SORL1: variants seen among roughly 807,000 people sequenced by gnomAD.
SORL1 encodes sortilin-related receptor.
A neutral mutation model predicts 273.7 loss-of-function variants in SORL1; 127 were observed. That is an observed-to-expected ratio of 0.46 (90% CI 0.40 to 0.54). The LOEUF is 0.54. SORL1 is among the 20% of genes least tolerant of loss of function. The pLI, the probability that SORL1 is intolerant of heterozygous loss-of-function variation, is 0.00. For missense variants in SORL1, 2,494 were observed against 2,846.1 expected, an observed-to-expected ratio of 0.88 and a Z score of 2.81; for synonymous variants, 1,031 against 1,067.4, an observed-to-expected ratio of 0.97 and a Z score of 0.66.
Position 121,490,184 on chromosome 11 carries a change from A to T in SORL1, c.758+74A>T. Reference sequence around the variant, plus strand: ...CAGTTCTAGCTCCTTCTTGGTGGACAAACTGCCCTCCCCTGAAATGTCCAG... The same window carrying T: ...CAGTTCTAGCTCCTTCTTGGTGGACTAACTGCCCTCCCCTGAAATGTCCAG... On this transcript the variant is annotated intron_variant, in intron 5 of 47. Transcript: ENST00000260197. 9 of 983,200 alleles carry T rather than the reference A, an allele frequency of 9.2e-6. No individual in the cohort carries two copies. In the South Asian group the frequency reaches 1.0e-4, roughly 11 times the overall value. 60.9% of individuals were successfully genotyped at this position (983,200 alleles called of 1,614,324 possible).
chr11:121,566,264 T>TA (rs1027462376), intron 21 of SORL1, among the ~76,000 whole-genome samples: 43 of 150,974 alleles, frequency 2.8e-4, no homozygotes, highest in Non-Finnish European at 5.5e-4. Flanking sequence ...TCTTTCTTTT[T>TA]AAAAAAAAAA....
intron 32 of SORL1, among the ~76,000 whole-genome samples, chr11:121,601,782 C>T (rs113704690): frequency 0.012 from 1,811 of 152,162 alleles, 32 homozygotes; most frequent in African/African-American, 0.041. Context: ...TATAAAGAAA[C>T]CTCCAACGTC....
intron 8 of SORL1, among the ~76,000 whole-genome samples, chr11:121,517,925 T>C (rs1861979245): frequency 6.6e-6 from 1 of 152,212 alleles, no homozygotes; most frequent in Non-Finnish European, 1.5e-5. Flanking sequence ...AACTGCTATG[T>C]GAAATGAGCA....
intron 8 of SORL1, among the ~76,000 whole-genome samples, chr11:121,518,825 C>T (rs1861990862): frequency 6.6e-6 from 1 of 152,048 alleles, no homozygotes; most frequent in African/African-American, 2.4e-5. Context: ...GGTGGCAGGG[C>T]AGTCATCCAG....
chr11:121,622,702 T>C (rs1042191718), intron 45 of SORL1, among the ~76,000 whole-genome samples: 4 of 152,164 alleles, frequency 2.6e-5, no homozygotes, highest in African/African-American at 9.7e-5. Context: ...CCCAGATAAA[T>C]TACAGGGAGC....
rs1197124773 is a variant in SORL1, at chr11:121,606,949, G to A, written c.5053G>A (p.Glu1685Lys). 1 of 1,610,448 alleles carries A rather than the reference G, an allele frequency of 6.2e-7. No individual in the cohort carries two copies. Among genetic ancestry groups the A allele is most frequent in the East Asian group, 2.2e-5 (1 of 44,870 alleles). ...PPIHTHGLIR[E>K]YIVEYSRSGS... ...CATCCACACCCATGGCCTCATCCGT[G>A]AGTACATTGTAAGTACCTTCCATGA... is the stretch of plus-strand genomic sequence containing the variant. The change falls in exon 36 of 48, where the codon GAG becomes AAG. Residue 1685 changes from glutamate (E) to lysine (K), a missense_variant. Physicochemically the swap from Glu to Lys is moderately conservative, Grantham distance 56. Coordinates refer to ENST00000260197, the MANE Select transcript of SORL1 (RefSeq NM_003105.6).
In SORL1 at chr11:121,559,541, G is replaced by T; in HGVS notation, c.2933G>T (p.Trp978Leu). 1.9e-6 allele frequency: 3 copies of T among 1,613,970 alleles called. No individual in the cohort carries two copies. Among genetic ancestry groups the T allele is most frequent in the Non-Finnish European group, 2.5e-6 (3 of 1,179,942 alleles). ...TAGAATGAAATCTACTGGGATGACT[G>T]GTCACAGCTCAGCATATTCCGAGCT... is the stretch of plus-strand genomic sequence containing the variant. Reference protein sequence around the residue: ...VFKNEIYWDDWSQLSIFRASK... With the variant: ...VFKNEIYWDDLSQLSIFRASK... Residue 978 changes from tryptophan to leucine, a missense_variant, in exon 21 of 48, where the codon TGG becomes TTG. Physicochemically the swap from Trp to Leu is moderately conservative, Grantham distance 61. Coordinates refer to ENST00000260197, the MANE Select transcript of SORL1 (RefSeq NM_003105.6).
At chr11:121,511,383 A>T (rs559055317) in intron 6 of SORL1, among the ~76,000 whole-genome samples, 2 of 152,340 alleles carry the variant, frequency 1.3e-5, no homozygotes, top group South Asian at 4.2e-4. Flanking sequence ...AAAGCATAAA[A>T]ATGTATATTT....
intron 39 of SORL1, chr11:121,611,917 G>A (rs1308404390): frequency 1.3e-5 from 2 of 152,338 alleles, no homozygotes; most frequent in Non-Finnish European, 2.9e-5. Context: ...GAGATGGGTG[G>A]ATCACCTGAG....
chr11:121,490,606 G>T (rs1325249698), intron 5 of SORL1, among the ~76,000 whole-genome samples: 2 of 151,854 alleles, frequency 1.3e-5, no homozygotes, highest in East Asian at 3.9e-4. Context: ...TGAGCATGGT[G>T]GTATGTGCCT....
At chr11:121,482,334 G>C (rs1565309821) in intron 3 of SORL1, among the ~76,000 whole-genome samples, 1 of 152,210 alleles carries the variant, frequency 6.6e-6, no homozygotes, top group African/African-American at 2.4e-5. Context: ...GTACCTCCGA[G>C]TGGTGTGTCT....
At chr11:121,509,452 G>C (rs1861840187) in intron 6 of SORL1, among the ~76,000 whole-genome samples, 1 of 152,002 alleles carries the variant, frequency 6.6e-6, no homozygotes, top group South Asian at 2.1e-4. Context: ...AGGTTATTCA[G>C]ATACCTAGAT....
At chr11:121,601,056 C>G (rs1222944126) in intron 32 of SORL1, among the ~76,000 whole-genome samples, 1 of 121,792 alleles carries the variant, frequency 8.2e-6, no homozygotes, top group Non-Finnish European at 1.7e-5. Context: ...CTCCCCCCAC[C>G]CCACAACAGT....
intron 3 of SORL1, among the ~76,000 whole-genome samples, chr11:121,486,223 C>G (rs572900208): frequency 6.6e-6 from 1 of 152,310 alleles, no homozygotes; most frequent in East Asian, 1.9e-4. Context: ...GATTCATAAT[C>G]TCCTGAGCCT....
At chr11:121,511,664 C>T (rs1271438698) in intron 6 of SORL1, among the ~76,000 whole-genome samples, 5 of 152,124 alleles carry the variant, frequency 3.3e-5, no homozygotes, top group Non-Finnish European at 1.5e-5. Context: ...TACCTCTCTG[C>T]CTGATTTCTT....
At chr11:121,537,769 A>G (rs1862287080) in intron 12 of SORL1, among the ~76,000 whole-genome samples, 1 of 152,232 alleles carries the variant, frequency 6.6e-6, no homozygotes, top group Admixed American at 6.5e-5. Context: ...TTCATTTGTG[A>G]ATTAAAGTTC....
At chr11:121,517,145 A>G (rs1425936211) in intron 8 of SORL1, among the ~76,000 whole-genome samples, 1 of 152,226 alleles carries the variant, frequency 6.6e-6, no homozygotes, top group African/African-American at 2.4e-5. Context: ...TACATTTACA[A>G]TGTTGTGCCA....
chr11:121,601,700 A>C (rs972621922), intron 32 of SORL1, among the ~76,000 whole-genome samples: 1 of 151,618 alleles, frequency 6.6e-6, no homozygotes, highest in Non-Finnish European at 1.5e-5. Context: ...ACAGGTGCAC[A>C]CTACCGCACC....
chr11:121,518,763 C>G (rs975685451), intron 8 of SORL1, among the ~76,000 whole-genome samples: 6 of 152,122 alleles, frequency 3.9e-5, no homozygotes, highest in African/African-American at 1.4e-4. Flanking sequence ...GGTGGGGCTC[C>G]TAGTGTTCCT....
Sources: gnomAD v4.1 joint callset for allele counts (sites outside exome capture counted in the v4.1 genomes callset) on GRCh38, gnomAD v4.1.1 for gene constraint, MANE v1.5 for transcripts, NCBI Gene and HGNC (gene_info 2026-07-23, HGNC 2026-07-21) for gene names.